The following APH1B variants were observed in gnomAD, a reference collection of about 807,000 sequenced individuals.
APH1B encodes the protein aph-1B gamma-secretase subunit, also known as gamma-secretase subunit APH-1B.
In APH1B, 27 loss-of-function variants were observed where a neutral mutation model predicts 28.2. The observed-to-expected ratio is 0.96, with a 90% CI of 0.70 to 1.32. The LOEUF is 1.32. Among genes scored for constraint, APH1B ranks in the 40% most tolerant of loss-of-function variants. The pLI is 0.00. For missense variants in APH1B, 305 were observed against 313.6 expected (o/e 0.97, Z 0.21); for synonymous variants, 141 against 124.6 (o/e 1.13, Z -0.88).
rs2038449057 is a variant in APH1B, at chr15:63,286,598, A to G, written c.325A>G (p.Thr109Ala). Residue 109 changes from threonine to alanine, a missense_variant, in exon 3 of 6, where the codon ACA becomes GCA. By Grantham distance (58) the Thr-to-Ala change is moderately conservative. Transcript: ENST00000261879. ...TTTGAAGAGTATAAACCCAGGTGAG[A>G]CAGCACCCTCTATGCGACTGCTGGC... Reference protein sequence around the residue: ...EGLKSINPGETAPSMRLLAYV... With the variant: ...EGLKSINPGEAAPSMRLLAYV... 2 of 1,608,446 alleles carry G rather than the reference A, an allele frequency of 1.2e-6. No individual in the cohort carries two copies. The highest frequency in any genetic ancestry group is 2.7e-5 in the African/African-American group (2 of 74,202).
chr15:63,283,702 C>CT (rs2038413891), intron 2 of APH1B, among the ~76,000 whole-genome samples: 4 of 152,070 alleles, frequency 2.6e-5, no homozygotes, highest in African/African-American at 9.7e-5. Flanking sequence ...TGGTGAGGTT[C>CT]ATCTGTTTAC....
intron 4 of APH1B, among the ~76,000 whole-genome samples, chr15:63,297,075 G>A (rs894785391): frequency 3.3e-5 from 5 of 152,202 alleles, no homozygotes; most frequent in Non-Finnish European, 5.9e-5. Context: ...AGTTACAGTC[G>A]TCACAAACTG....
chr15:63,278,215 T>G (rs2038346644), intron 1 of APH1B: 3 of 435,178 alleles, frequency 6.9e-6, no homozygotes, highest in Non-Finnish European at 1.4e-5. Flanking sequence ...TGAATCAGAA[T>G]GTCTAGGGGA....
rs1231412981 is a variant in APH1B, at chr15:63,305,785, C to G, written c.*4C>G. ...TTACAACCAGCGCTCCAGATAACCT[C>G]AGGGAACCAGCACTTCCCAAACCGC... On this transcript the variant is annotated 3_prime_UTR_variant, in exon 6 of 6. Transcript: ENST00000261879. 1 of 1,611,852 alleles carries G rather than the reference C, an allele frequency of 6.2e-7. No homozygotes were observed. The highest frequency in any genetic ancestry group is 2.2e-5 in the East Asian group (1 of 44,888).
chr15:63,297,961 G>A (rs909583854), intron 4 of APH1B, among the ~76,000 whole-genome samples: 1 of 152,116 alleles, frequency 6.6e-6, no homozygotes, highest in South Asian at 2.1e-4. Context: ...ACATGTCCAA[G>A]GGATCTCTTC....
intron 2 of APH1B, 116 bp downstream of exon 2, chr15:63,279,447 A>G (rs2038362159): frequency 1.2e-6 from 1 of 866,168 alleles, no homozygotes; most frequent in East Asian, 2.8e-5. Flanking sequence ...GTACTAAGCC[A>G]AGAGATTGGT....
At position 63,302,304 on chromosome 15, in the gene APH1B, G is replaced by C. The variant is rs750995721; in HGVS notation, c.479-41G>C. 7 of 1,606,752 alleles carry C rather than the reference G, an allele frequency of 4.4e-6. No individual in the cohort carries two copies. The East Asian group carries it at 1.6e-4, about 36-fold the overall frequency. On this transcript the variant is annotated intron_variant, in intron 4 of 5. Transcript: ENST00000261879. ...CAGTGCCAGGGTCCTCAGTGGTTCT[G>C]ATACCTGTAGGAGTGACACTAATGG...
chr15:63,297,049 C>T (rs2038575732), intron 4 of APH1B, among the ~76,000 whole-genome samples: 1 of 152,204 alleles, frequency 6.6e-6, no homozygotes, highest in Admixed American at 6.5e-5. Flanking sequence ...AAGAGGAAGT[C>T]CATTATCGAC....
chr15:63,308,643 C>T lies in APH1B; in HGVS notation c.*2862C>T, dbSNP rs1428418214. 6.6e-6 allele frequency: 1 copy of T among 152,280 alleles called. No homozygotes were observed. The highest frequency in any genetic ancestry group is 1.5e-5 in the Non-Finnish European group (1 of 68,096). 9.4% of individuals were successfully genotyped at this position (152,280 alleles called of 1,614,324 possible). On this transcript the variant is annotated 3_prime_UTR_variant, in exon 6 of 6. Coordinates refer to ENST00000261879, the MANE Select transcript of APH1B (RefSeq NM_031301.4). The stretch of plus-strand genomic sequence containing the variant: ...CCTACCTGGTACTCCTCCCATTCAC[C>T]TCAGCCCAGCCCCAGACAGGCGTTA...
rs564295808 is a variant in APH1B at position 63,307,107 on chromosome 15, G to A, written c.*1326G>A. ...CAAATGACCTATACATTAAAGTGAT[G>A]TCTCAGTGAATACCATACATGCAGT... On this transcript the variant is annotated 3_prime_UTR_variant, in exon 6 of 6. Transcript: ENST00000261879. 6.6e-6 allele frequency: 1 copy of A among 152,348 alleles called. No homozygotes were observed. The highest frequency in any genetic ancestry group is 1.5e-5 in the Non-Finnish European group (1 of 68,030). 9.4% of individuals were successfully genotyped at this position (152,348 alleles called of 1,614,324 possible). A position where few individuals can be genotyped will look rare whatever the true frequency, so the allele number is the denominator to read the frequency against.
intron 2 of APH1B, among the ~76,000 whole-genome samples, chr15:63,280,400 C>A (rs932465492): frequency 6.6e-6 from 1 of 152,118 alleles, no homozygotes; most frequent in African/African-American, 2.4e-5. Flanking sequence ...AATGTGCTGT[C>A]TTTTTTCATT....
intron 2 of APH1B, among the ~76,000 whole-genome samples, chr15:63,283,485 C>G (rs1357711434): frequency 6.6e-6 from 1 of 152,204 alleles, no homozygotes; most frequent in East Asian, 1.9e-4. Flanking sequence ...CCACCTCAGC[C>G]ACCCAAAATG....
chr15:63,301,713 T>C (rs962414732), intron 4 of APH1B, among the ~76,000 whole-genome samples: 2 of 151,408 alleles, frequency 1.3e-5, no homozygotes, highest in African/African-American at 4.9e-5. Context: ...TCCCGAATAG[T>C]TGGGATTACA....
At chr15:63,288,085 C>T (rs992848408) in intron 4 of APH1B, among the ~76,000 whole-genome samples, 7 of 152,100 alleles carry the variant, frequency 4.6e-5, no homozygotes, top group Non-Finnish European at 7.3e-5. Flanking sequence ...GAGTTGGTAG[C>T]GTACATAATT....
intron 4 of APH1B, 36 bp downstream of exon 4, chr15:63,287,582 A>G (rs200630059): frequency 6.2e-7 from 1 of 1,605,740 alleles, no homozygotes; most frequent in Non-Finnish European, 8.5e-7. Flanking sequence ...TCAGGCTTCT[A>G]GTCTAAATGA....
chr15:63,290,285 G>A (rs1424875409), intron 4 of APH1B, among the ~76,000 whole-genome samples: 1 of 152,020 alleles, frequency 6.6e-6, no homozygotes. Context: ...TTTATTTGTG[G>A]TTATGTTGTA....
Position 63,305,759 on chromosome 15 carries a change from T to C in APH1B, c.752T>C (p.Leu251Pro). Reference protein sequence around the residue: ...CLLCQDKNFLLYNQRSR With the variant: ...CLLCQDKNFLPYNQRSR ...CTCTGCCAAGACAAGAACTTTCTTC[T>C]TTACAACCAGCGCTCCAGATAACCT... The change falls in exon 6 of 6, where the codon CTT (leucine) becomes CCT (proline). Residue 251 changes from leucine (L) to proline (P), a missense_variant. By Grantham distance (98) the Leu-to-Pro change is moderately conservative. Coordinates refer to ENST00000261879, the MANE Select transcript of APH1B (RefSeq NM_031301.4). The C allele has an allele frequency of 6.2e-7, 1 of 1,614,072 alleles. No homozygotes were observed. Among genetic ancestry groups the C allele is most frequent in the Middle Eastern group, 1.6e-4 (1 of 6,062 alleles).
chr15:63,277,934 G>A, intron 1 of APH1B, 198 bp downstream of exon 1: 1 of 591,706 alleles, frequency 1.7e-6, no homozygotes, highest in Non-Finnish European at 2.9e-6. Context: ...CTGGGGGTCA[G>A]GGCCTTTTGC....
At position 63,279,272 on chromosome 15, in the gene APH1B, AG is replaced by A; in HGVS notation, c.226del (p.Ala76ArgfsTer19). 1 of 1,612,392 alleles carries A rather than the reference AG, an allele frequency of 6.2e-7. No homozygotes were observed. Among genetic ancestry groups the A allele is most frequent in the Non-Finnish European group, 8.5e-7 (1 of 1,178,770 alleles). The stretch of plus-strand genomic sequence containing the variant: ...CACAGAAATATCTGCTGATCTTTGG[AG>A]CGTTTGTCTCTGTCTATATCCAAGA... ...PTQKYLLIFGAFVSVYIQEMF... is the reference protein window; with the variant it reads ...PTQKYLLIFGXFVSVYIQEMF... On this transcript the variant is annotated frameshift_variant, in exon 2 of 6. Transcript: ENST00000261879. LOFTEE classifies it high-confidence loss of function.
Sources: gnomAD v4.1 joint callset for allele counts (sites outside exome capture counted in the v4.1 genomes callset) on GRCh38, gnomAD v4.1.1 for gene constraint, MANE v1.5 for transcripts, NCBI Gene and HGNC (gene_info 2026-07-23, HGNC 2026-07-21) for gene names.